Variants in RNF180 observed in about 807,000 individuals in gnomAD.
RNF180 encodes E3 ubiquitin-protein ligase RNF180.
RNF180 carries 38 observed loss-of-function variants against 59.2 expected under a neutral mutation model. The ratio of observed to expected loss-of-function variants is 0.64; its 90% CI spans 0.50 to 0.84. The LOEUF (loss-of-function observed/expected upper bound fraction) is 0.84, where lower values mean the gene tolerates loss of function less well. Among genes scored for constraint, RNF180 ranks in the 40% least tolerant of loss-of-function variants. The pLI is 0.00. For missense variants in RNF180, 705 were observed against 700.9 expected (o/e 1.01, Z -0.07); for synonymous variants, 262 against 240.3 (o/e 1.09, Z -0.84).
intron 7 of RNF180, among the ~76,000 whole-genome samples, chr5:64,351,388 C>T (rs1745805700): frequency 6.6e-6 from 1 of 152,064 alleles, no homozygotes; most frequent in Non-Finnish European, 1.5e-5. Context: ...AATTGAATAC[C>T]CTTTATTTAT....
intron 7 of RNF180, among the ~76,000 whole-genome samples, chr5:64,349,585 G>C (rs547890324): frequency 4.7e-5 from 7 of 149,338 alleles, no homozygotes; most frequent in Non-Finnish European, 1.0e-4. Flanking sequence ...CTCCCCCCTT[G>C]CCCCCCACCA....
chr5:64,253,141 A>G (rs556115693), intron 5 of RNF180, among the ~76,000 whole-genome samples: 2 of 152,286 alleles, frequency 1.3e-5, no homozygotes, highest in East Asian at 1.9e-4. Flanking sequence ...AAATAAACAA[A>G]TTACGTCCCC....
At chr5:64,342,212 T>G (rs1745380392) in intron 7 of RNF180, among the ~76,000 whole-genome samples, 1 of 152,104 alleles carries the variant, frequency 6.6e-6, no homozygotes, top group Non-Finnish European at 1.5e-5. Flanking sequence ...GTTACAAAAA[T>G]CACATTTACA....
chr5:64,266,618 G>T (rs1353911493), intron 5 of RNF180, among the ~76,000 whole-genome samples: 3 of 152,048 alleles, frequency 2.0e-5, no homozygotes, highest in African/African-American at 7.2e-5. Context: ...TCGAATTGTA[G>T]GAAAAGACAT....
At chr5:64,206,007 T>C (rs1459280337) in intron 2 of RNF180, among the ~76,000 whole-genome samples, 1 of 152,152 alleles carries the variant, frequency 6.6e-6, no homozygotes, top group Non-Finnish European at 1.5e-5. Flanking sequence ...TCGTGTTAAA[T>C]GTTAAATGAG....
chr5:64,294,277 G>A (rs1434690722), intron 5 of RNF180, among the ~76,000 whole-genome samples: 1 of 152,056 alleles, frequency 6.6e-6, no homozygotes, highest in East Asian at 1.9e-4. Context: ...ATGCTTGAGG[G>A]GATGGATACC....
At chr5:64,178,950 T>TA (rs1453234946) in intron 1 of RNF180, among the ~76,000 whole-genome samples, 15 of 152,038 alleles carry the variant, frequency 9.9e-5, no homozygotes, top group Admixed American at 7.9e-4. Context: ...TCTATTCTTT[T>TA]AAAAAAAACC....
At position 64,234,578 on chromosome 5, in the gene RNF180, C is replaced by CTTTTTTTTTTTTTTTTTT. The variant is rs1171637074; in HGVS notation, c.1227+17204_1227+17221dup. On this transcript the variant is annotated intron_variant, in intron 5 of 7. Coordinates refer to ENST00000389100, the MANE Select transcript of RNF180 (RefSeq NM_001113561.2). ...GCTTTCCAAATGGCAGTTACCCGTT[C>CTTTTTTTTTTTTTTTTTT]TTTTTTTTTTTTTTTTTTTTTTTTT... 2.3e-4 allele frequency among the ~76,000 whole-genome samples: 11 copies of CTTTTTTTTTTTTTTTTTT among 48,524 alleles called. 5 individuals are homozygous for CTTTTTTTTTTTTTTTTTT. The highest frequency in any genetic ancestry group is 3.2e-4 in the African/African-American group (4 of 12,614). 31.8% of individuals were successfully genotyped at this position (48,524 alleles called of 152,430 possible). A position where few individuals can be genotyped will look rare whatever the true frequency, so the allele number is the denominator to read the frequency against.
intron 5 of RNF180, among the ~76,000 whole-genome samples, chr5:64,301,785 AATG>A (rs1191511048): frequency 6.6e-6 from 1 of 151,452 alleles, no homozygotes; most frequent in African/African-American, 2.4e-5. Flanking sequence ...GGGAGCACCA[AATG>A]ATGACTCTTA....
At chr5:64,253,129 C>T (rs924289937) in intron 5 of RNF180, among the ~76,000 whole-genome samples, 1 of 152,132 alleles carries the variant, frequency 6.6e-6, no homozygotes, top group African/African-American at 2.4e-5. Context: ...AAAATCAGAG[C>T]TAAATAAACA....
At chr5:64,285,188 T>C (rs938785868) in intron 5 of RNF180, among the ~76,000 whole-genome samples, 3 of 152,184 alleles carry the variant, frequency 2.0e-5, no homozygotes, top group Non-Finnish European at 4.4e-5. Context: ...AAGAACCCAC[T>C]GCACTGGAGA....
chr5:64,167,671 A>G (rs1437598699), intron 1 of RNF180, among the ~76,000 whole-genome samples: 2 of 152,194 alleles, frequency 1.3e-5, no homozygotes, highest in Non-Finnish European at 2.9e-5. Context: ...AGCTACCTGA[A>G]TGATAATGCT....
At chr5:64,267,599 G>C (rs1380702252) in intron 5 of RNF180, among the ~76,000 whole-genome samples, 1 of 151,480 alleles carries the variant, frequency 6.6e-6, no homozygotes. Flanking sequence ...GAGAATATGC[G>C]GTGTTTGGTT....
At chr5:64,325,113 CA>C in intron 5 of RNF180, 72 bp from the exon 6 acceptor site, 2 of 937,494 alleles carry the variant, frequency 2.1e-6, no homozygotes, top group South Asian at 3.2e-5. Flanking sequence ...TTCATTTTAA[CA>C]AAATATAAAG....
At chr5:64,196,970 T>C (rs972734957) in intron 1 of RNF180, among the ~76,000 whole-genome samples, 1 of 152,188 alleles carries the variant, frequency 6.6e-6, no homozygotes, top group African/African-American at 2.4e-5. Flanking sequence ...TTTCTAACTT[T>C]AGGTTAATTT....
At chr5:64,334,391 A>T (rs1353761643) in intron 7 of RNF180, among the ~76,000 whole-genome samples, 1 of 152,176 alleles carries the variant, frequency 6.6e-6, no homozygotes, top group East Asian at 1.9e-4. Flanking sequence ...AGAGATTGTA[A>T]TGCACTGGTT....
intron 5 of RNF180, among the ~76,000 whole-genome samples, chr5:64,219,473 GAGTT>G (rs764077670): frequency 6.6e-6 from 1 of 151,872 alleles, no homozygotes; most frequent in Non-Finnish European, 1.5e-5. Flanking sequence ...CTTATGAAAT[GAGTT>G]AGTTGTCTTT....
intron 5 of RNF180, among the ~76,000 whole-genome samples, chr5:64,321,216 A>G (rs1463279601): frequency 6.6e-6 from 1 of 152,156 alleles, no homozygotes; most frequent in Admixed American, 6.5e-5. Context: ...TGCAGATAGG[A>G]AGAGAGGAAA....
intron 7 of RNF180, among the ~76,000 whole-genome samples, chr5:64,355,539 T>G (rs2112592557): frequency 6.6e-6 from 1 of 152,042 alleles, no homozygotes; most frequent in East Asian, 1.9e-4. Context: ...CAACAGCGCT[T>G]TTATAGAAAT....
Sources: allele counts gnomAD v4.1 joint callset (sites outside exome capture counted in the v4.1 genomes callset), GRCh38; gene constraint gnomAD v4.1.1; transcripts MANE v1.5; gene names NCBI Gene and HGNC (gene_info 2026-07-23, HGNC 2026-07-21).